CELF2: variants seen among roughly 807,000 people sequenced by gnomAD.
CELF2 encodes the protein CUG triplet repeat RNA-binding protein 2.
In CELF2, 8 loss-of-function variants were observed where a neutral mutation model predicts 62.6. The ratio of observed to expected loss-of-function variants is 0.13; its 90% confidence interval spans 0.07 to 0.23. CELF2 has a LOEUF of 0.23. CELF2 is among the 10% of genes least tolerant of loss of function. The pLI, the probability that CELF2 is intolerant of heterozygous loss-of-function variation, is 1.00. For missense variants in CELF2, 333 were observed against 671.0 expected, an observed-to-expected ratio of 0.50 and a Z score of 5.56; for synonymous variants, 258 against 250.0, an observed-to-expected ratio of 1.03 and a Z score of -0.30.
the CELF2 span, among the ~76,000 whole-genome samples, chr10:10,509,830 A>G: frequency 6.6e-6 from 1 of 152,198 alleles, no homozygotes; most frequent in Non-Finnish European, 1.5e-5. Context: ...CCTACAGTAC[A>G]TTGAGGGTGA....
At chr10:11,005,266 GA>G (rs2055009815), upstream of CELF2, 1 of 1,535,890 alleles carries the variant, frequency 6.5e-7, no homozygotes, top group African/African-American at 1.5e-5. The surrounding 1 kb of genome is among the most constrained non-coding windows in gnomAD (Gnocchi z 4.3). Flanking sequence ...GAGAGAGAGA[GA>G]GAGAGAGAGA....
rs1447060479 is a variant in CELF2 at position 11,203,253 on chromosome 10, T to A, written c.272-14172T>A. Among the ~76,000 whole-genome samples, 8 of 151,478 alleles carry A rather than the reference T, an allele frequency of 5.3e-5. No individual in the cohort carries two copies. In the South Asian group the frequency reaches 1.7e-3, roughly 32 times the overall value. ...GCTAATCAGTGTGTGGTGTGGAGAG[T>A]TTTTTGTTATCCTGAAATCAAGGAA... On this transcript the variant is annotated intron_variant, in intron 2 of 12. Transcript: ENST00000633077.
At chr10:10,470,928 T>C in the CELF2 span, among the ~76,000 whole-genome samples, 3 of 151,628 alleles carry the variant, frequency 2.0e-5, no homozygotes, top group Admixed American at 6.6e-5. Flanking sequence ...CCTTTAAAGT[T>C]ATAAATTTCC....
At chr10:10,721,781 C>G in the CELF2 span, among the ~76,000 whole-genome samples, 1 of 152,140 alleles carries the variant, frequency 6.6e-6, no homozygotes, top group Non-Finnish European at 1.5e-5. Context: ...TATAGAACAG[C>G]ATTTCTCCCC....
intron 1 of CELF2, among the ~76,000 whole-genome samples, chr10:10,802,289 G>T (rs1412070134): frequency 6.6e-6 from 1 of 152,108 alleles, no homozygotes; most frequent in Non-Finnish European, 1.5e-5. Context: ...GGCCGACATG[G>T]TGAAACCCTG....
intron 1 of CELF2, among the ~76,000 whole-genome samples, chr10:11,092,118 T>C (rs2048485608): frequency 6.6e-6 from 1 of 152,160 alleles, no homozygotes; most frequent in Admixed American, 6.5e-5. Context: ...TCTGAGAGAA[T>C]GAAATAATCC....
chr10:11,210,901 C>T (rs929899178), intron 2 of CELF2, among the ~76,000 whole-genome samples: 10 of 152,186 alleles, frequency 6.6e-5, no homozygotes, highest in African/African-American at 2.4e-4. Flanking sequence ...ACATGTACCC[C>T]ATAAATATGT....
intron 2 of CELF2, among the ~76,000 whole-genome samples, chr10:11,182,682 A>G (rs554060612): frequency 5.6e-4 from 85 of 152,280 alleles, no homozygotes; most frequent in Non-Finnish European, 1.0e-3. Flanking sequence ...CTACCACCCC[A>G]TGTTTTAAGC....
At chr10:10,472,687 A>G in the CELF2 span, among the ~76,000 whole-genome samples, 1 of 151,832 alleles carries the variant, frequency 6.6e-6, no homozygotes, top group Admixed American at 6.6e-5. Context: ...GAATTCTGTA[A>G]TCGTCTGAGA....
chr10:11,006,060 A>G (rs140647256), intron 1 of CELF2, among the ~76,000 whole-genome samples: 1 of 152,258 alleles, frequency 6.6e-6, no homozygotes, highest in Non-Finnish European at 1.5e-5. Context: ...ACCAGGAAGG[A>G]GGCACCACTG....
the CELF2 span, among the ~76,000 whole-genome samples, chr10:10,471,252 G>A: frequency 6.6e-6 from 1 of 151,530 alleles, no homozygotes; most frequent in Admixed American, 6.6e-5. Flanking sequence ...ATTTAGGTTG[G>A]TACTGTCCTT....
chr10:10,753,994 G>T, the CELF2 span, among the ~76,000 whole-genome samples: 2 of 142,386 alleles, frequency 1.4e-5, no homozygotes, highest in East Asian at 2.2e-4. Flanking sequence ...GTTGAGACAT[G>T]TTTCATAGCT....
At position 11,059,271 on chromosome 10, in the gene CELF2, A is replaced by T. The variant is rs147851365; in HGVS notation, c.74+41108A>T. ...CTATTCCTTAATCCCTGGCTTTTTG[A>T]CTTGATTTGACTAGACTTGCATGTC... On this transcript the variant is annotated intron_variant, in intron 1 of 12. Coordinates refer to ENST00000633077, the MANE Select transcript of CELF2 (RefSeq NM_001326342.2). 5.3e-3 allele frequency among the ~76,000 whole-genome samples: 799 copies of T among 152,128 alleles called. 29 individuals carry two copies. The highest frequency in any genetic ancestry group is 0.044 in the Admixed American group (673 of 15,290).
intron 2 of CELF2, among the ~76,000 whole-genome samples, chr10:10,930,266 A>C (rs1453011264): frequency 1.3e-5 from 2 of 152,216 alleles, no homozygotes; most frequent in Non-Finnish European, 2.9e-5. Flanking sequence ...CATGATAAAG[A>C]AATTATACTG....
At chr10:10,874,718 A>G (rs2060977431) in intron 1 of CELF2, among the ~76,000 whole-genome samples, 1 of 152,220 alleles carries the variant, frequency 6.6e-6, no homozygotes. Context: ...CAACTCAAAC[A>G]AAATCATTTA....
intron 2 of CELF2, chr10:10,927,238 G>T (rs1592024805): frequency 6.7e-6 from 1 of 149,854 alleles, no homozygotes; most frequent in South Asian, 2.1e-4. Context: ...GACTCTCTAT[G>T]TGGAAGCATA....
rs147305249 is a variant in CELF2 at position 10,852,554 on chromosome 10, C to T, written c.53+53737C>T. ...TGGGTGGTAGATACACAATCCTACACGTGTGGCAAAATTGAATGGAAGTAA... is the reference window on the plus strand; with the variant it reads ...TGGGTGGTAGATACACAATCCTACATGTGTGGCAAAATTGAATGGAAGTAA... On this transcript the variant is annotated intron_variant, in intron 1 of 13. Transcript: ENST00000636488. Among the ~76,000 whole-genome samples, 96 of 152,200 alleles carry T rather than the reference C, an allele frequency of 6.3e-4. No homozygotes were observed. The South Asian group carries it at 0.017, about 27-fold the overall frequency.
chr10:10,470,717 G>A, the CELF2 span, among the ~76,000 whole-genome samples: 20 of 150,880 alleles, frequency 1.3e-4, no homozygotes, highest in East Asian at 3.9e-4. Flanking sequence ...TACTGGACCC[G>A]CCCAAATACT....
chr10:10,966,329 G>A (rs962106155), intron 2 of CELF2, among the ~76,000 whole-genome samples: 1 of 152,228 alleles, frequency 6.6e-6, no homozygotes, highest in Non-Finnish European at 1.5e-5. Flanking sequence ...AATGAGTGTG[G>A]TACAGTGGAG....
Sources: gnomAD v4.1 joint callset for allele counts (sites outside exome capture counted in the v4.1 genomes callset) on GRCh38, gnomAD v4.1.1 for gene constraint, Gnocchi (gnomAD v3.1) non-coding constraint, MANE v1.5 for transcripts, NCBI Gene and HGNC (gene_info 2026-07-23, HGNC 2026-07-21) for gene names.